DEF8: variants seen among roughly 807,000 people sequenced by gnomAD.
DEF8 encodes the protein differentially expressed in FDCP 8 homolog, also known as DEF-8.
A neutral mutation model predicts 59.1 loss-of-function variants in DEF8; 38 were observed. The ratio of observed to expected loss-of-function variants is 0.64; its 90% CI spans 0.50 to 0.84. The LOEUF (loss-of-function observed/expected upper bound fraction) is 0.84. Ranked by LOEUF, DEF8 falls within the 40% of genes least tolerant of loss-of-function variation. The pLI is 0.00. For synonymous variants in DEF8, 265 were observed against 250.1 expected (o/e 1.06, Z -0.56); for missense variants, 557 against 615.2 (o/e 0.91, Z 1.00).
At chr16:89,962,210 G>T (rs2034116361) in intron 9 of DEF8, 85 bp downstream of exon 9, 3 of 1,224,900 alleles carry the variant, frequency 2.4e-6, no homozygotes, top group East Asian at 2.5e-5. Context: ...TTCTCCTCTG[G>T]GCCACGGGAG....
rs1156961957 is a variant in DEF8 at position 89,966,177 on chromosome 16, T to C, written c.*214T>C. The C allele has an allele frequency of 5.9e-6, 3 of 510,262 alleles. No individual in the cohort carries two copies. Among genetic ancestry groups the C allele is most frequent in the African/African-American group, 5.8e-5 (3 of 51,368 alleles). The allele number at this position is 510,262 out of a possible 1,614,324, so 31.6% of individuals were successfully genotyped here. A position where few individuals can be genotyped will look rare whatever the true frequency, so the allele number is the denominator to read the frequency against. On this transcript the variant is annotated 3_prime_UTR_variant, in exon 13 of 13. Transcript: ENST00000563594. The stretch of plus-strand genomic sequence containing the variant: ...GCACCTGGCTGTCACCTGGGTGTGC[T>C]GCTGTGAGGGGTCCTTGCGTGGCCC...
intron 6 of DEF8, chr16:89,959,379 T>G: frequency 7.0e-7 from 1 of 1,422,720 alleles, no homozygotes. Context: ...GTGTGTCTAG[T>G]TTGTACAATG....
Position 89,967,470 on chromosome 16 carries a change from G to C in DEF8, c.*1507G>C, listed in dbSNP as rs190240262. ...AGGTTCTTATTGTCTGCTCTGCCTCGGTTTCCCCATCTGGAAAATGGGGGC... is the reference window on the plus strand; with the variant it reads ...AGGTTCTTATTGTCTGCTCTGCCTCCGTTTCCCCATCTGGAAAATGGGGGC... On this transcript the variant is annotated 3_prime_UTR_variant, in exon 13 of 13. Transcript: ENST00000563594. 2.5e-6 allele frequency: 1 copy of C among 398,614 alleles called. No individual in the cohort carries two copies. Among genetic ancestry groups the C allele is most frequent in the East Asian group, 3.6e-5 (1 of 28,080 alleles). 24.7% of individuals were successfully genotyped at this position (398,614 alleles called of 1,614,324 possible). A position where few individuals can be genotyped will look rare whatever the true frequency, so the allele number is the denominator to read the frequency against.
intron 9 of DEF8, among the ~76,000 whole-genome samples, chr16:89,963,139 G>A (rs1597524227): frequency 1.3e-5 from 2 of 152,370 alleles, no homozygotes; most frequent in African/African-American, 4.8e-5. Flanking sequence ...GGGGCCGGGT[G>A]AGGGCAGAGG....
chr16:89,960,565 A>T (rs1445950258), intron 6 of DEF8, among the ~76,000 whole-genome samples: 1 of 151,046 alleles, frequency 6.6e-6, no homozygotes, highest in Non-Finnish European at 1.5e-5. Context: ...CCTTCAGGAT[A>T]ACTCATGATA....
At chr16:89,961,298 G>A (rs2033994516) in intron 7 of DEF8, among the ~76,000 whole-genome samples, 2 of 152,182 alleles carry the variant, frequency 1.3e-5, no homozygotes, top group Admixed American at 6.5e-5. Context: ...CAGCCGTTCC[G>A]TGACTCACCC....
intron 2 of DEF8, chr16:89,949,723 A>G (rs1473180578): frequency 2.4e-5 from 31 of 1,317,754 alleles, no homozygotes; most frequent in Admixed American, 9.3e-5. Context: ...GCTTCCTTTC[A>G]TTGCTAAGTT....
rs2151214301 is a variant in DEF8 at position 89,963,456 on chromosome 16, G to A, written c.1002+13G>A. 3 of 1,611,048 alleles carry A rather than the reference G, an allele frequency of 1.9e-6. No individual in the cohort carries two copies. The highest frequency in any genetic ancestry group is 1.7e-6 in the Non-Finnish European group (2 of 1,178,266). ...TCTGCTGCTGCAGGTCAGACTGCCA[G>A]CAGGACTGGCCCCCGATGGGAAGCG... On this transcript the variant is annotated intron_variant, in intron 10 of 12. Coordinates refer to ENST00000563594, the MANE Select transcript of DEF8 (RefSeq NM_001242818.2).
In DEF8 at chr16:89,967,659, C is replaced by T. The variant is rs1336136977; in HGVS notation, c.*1696C>T. The T allele has an allele frequency of 1.3e-5, 5 of 395,864 alleles. No individual in the cohort carries two copies. The highest frequency in any genetic ancestry group is 2.2e-5 in the Non-Finnish European group (5 of 224,914). 24.5% of individuals were successfully genotyped at this position (395,864 alleles called of 1,614,324 possible). A position where few individuals can be genotyped will look rare whatever the true frequency, so the allele number is the denominator to read the frequency against. On this transcript the variant is annotated 3_prime_UTR_variant, in exon 13 of 13. Coordinates refer to ENST00000563594, the MANE Select transcript of DEF8 (RefSeq NM_001242818.2). ...AAAGGCCAAATGCTGTTTCCCAACA[C>T]CCCAAAGTCTGCACACGTCTCATGA...
chr16:89,954,126 T>G lies in DEF8; in HGVS notation c.-10-117T>G. ...GGCTGTGGTGTGAGGACTACCCACT[T>G]TAGGGAAGTGAAAGAGGCCAGCCTC... On this transcript the variant is annotated intron_variant, in intron 2 of 12. Transcript: ENST00000563594. The surrounding 1 kb of genome is among the most constrained non-coding windows in gnomAD (Gnocchi z 4.3). 2 of 1,145,924 alleles carry G rather than the reference T, an allele frequency of 1.7e-6. No homozygotes were observed. The highest frequency in any genetic ancestry group is 1.5e-5 in the African/African-American group (1 of 64,770). 71.0% of individuals were successfully genotyped at this position (1,145,924 alleles called of 1,614,324 possible). A position where few individuals can be genotyped will look rare whatever the true frequency, so the allele number is the denominator to read the frequency against.
rs757857247 is a variant in DEF8, at chr16:89,955,256, C to G, written c.212C>G (p.Ser71Cys). 1 of 1,613,500 alleles carries G rather than the reference C, an allele frequency of 6.2e-7. No homozygotes were observed. The highest frequency in any genetic ancestry group is 8.5e-7 in the Non-Finnish European group (1 of 1,179,778). ...CTCGGCCTGTCTGAGGACCACTTCT[C>G]CCGCCCTGTGGTAAGGTTTTAGATC... The part of the protein sequence containing the change: ...MDLGLSEDHF[S>C]RPVGLFLASD... The change falls in exon 4 of 13, where the codon TCC becomes TGC. Residue 71 changes from serine to cysteine, a missense_variant. Ser to Cys is a moderately radical substitution (Grantham distance 112). Transcript: ENST00000563594.
At chr16:89,964,792 C>T (rs1255479228) in intron 12 of DEF8, among the ~76,000 whole-genome samples, 1 of 152,220 alleles carries the variant, frequency 6.6e-6, no homozygotes, top group African/African-American at 2.4e-5. Flanking sequence ...AGGAGCGGCA[C>T]CTGGGGGATG....
chr16:89,951,909 G>A lies in DEF8; in HGVS notation c.-10-2334G>A, dbSNP rs1199698817. On this transcript the variant is annotated intron_variant, in intron 2 of 12. Coordinates refer to ENST00000563594, the MANE Select transcript of DEF8 (RefSeq NM_001242818.2). ...TTTTTTTTTTTTGATATGGAGTCTC[G>A]CTCTGTTGCCCAGGCTGGAGTGCAG... 9.5e-5 allele frequency among the ~76,000 whole-genome samples: 14 copies of A among 147,824 alleles called. 1 individual carries two copies. In the South Asian group the frequency reaches 2.1e-3, roughly 23 times the overall value.
At position 89,966,140 on chromosome 16, in the gene DEF8, C is replaced by T; in HGVS notation, c.*177C>T. The T allele has an allele frequency of 3.6e-6, 2 of 550,648 alleles. No individual in the cohort carries two copies. Among genetic ancestry groups the T allele is most frequent in the African/African-American group, 1.9e-5 (1 of 52,598 alleles). The allele number at this position is 550,648 out of a possible 1,614,324, so 34.1% of individuals were successfully genotyped here. Reference sequence around the variant, plus strand: ...GCTGTCTCCCAGGTGCTTGCTGGGACTCGGGGCGGCTGCACCTGGCTGTCA... The same window carrying T: ...GCTGTCTCCCAGGTGCTTGCTGGGATTCGGGGCGGCTGCACCTGGCTGTCA... On this transcript the variant is annotated 3_prime_UTR_variant, in exon 13 of 13. Transcript: ENST00000563594.
chr16:89,964,414 G>C, intron 11 of DEF8, 52 bp from the exon 12 acceptor site: 3 of 1,555,062 alleles, frequency 1.9e-6, no homozygotes, highest in South Asian at 1.2e-5. Flanking sequence ...AGAGTGCCCA[G>C]AGGAGCTGGC....
chr16:89,955,120 G>A lies in DEF8; in HGVS notation c.125-49G>A, dbSNP rs375104484. 3.4e-6 allele frequency: 5 copies of A among 1,455,826 alleles called. No individual in the cohort carries two copies. The East Asian group carries it at 9.1e-5, about 26-fold the overall frequency. 90.2% of individuals were successfully genotyped at this position (1,455,826 alleles called of 1,614,324 possible). A position where few individuals can be genotyped will look rare whatever the true frequency, so the allele number is the denominator to read the frequency against. On this transcript the variant is annotated intron_variant, in intron 3 of 12. Transcript: ENST00000563594. ...CTCAGCTCCTCCCTAGGGGATGGGA[G>A]GCAGGAGGTAGCAGCTGACGCTCCA...
At chr16:89,963,565 C>CCA (rs2034303383) in intron 10 of DEF8, 122 bp downstream of exon 10, 3 of 713,908 alleles carry the variant, frequency 4.2e-6, no homozygotes, top group Non-Finnish European at 6.9e-6. Flanking sequence ...GGTCGCCTCA[C>CCA]CACGGTCCCA....
In DEF8 at chr16:89,948,830, C is replaced by T. The variant is rs1466054563; in HGVS notation, c.-108+16C>T. On this transcript the variant is annotated intron_variant, in intron 1 of 12. Transcript: ENST00000563594. ...CGGCGGTCAGGTGAGCGGCGCGGGG[C>T]CGGCGGGGTCGGGGCCGGCGGGGAC... is the stretch of plus-strand genomic sequence containing the variant. The T allele has an allele frequency of 5.2e-5, 50 of 965,862 alleles. No individual in the cohort carries two copies. Among genetic ancestry groups the T allele is most frequent in the Non-Finnish European group, 5.9e-5 (49 of 823,812 alleles). The allele number at this position is 965,862 out of a possible 1,614,324, so 59.8% of individuals were successfully genotyped here. A position where few individuals can be genotyped will look rare whatever the true frequency, so the allele number is the denominator to read the frequency against.
intron 4 of DEF8, chr16:89,957,251 T>TG (rs759535250): frequency 2.9e-6 from 1 of 347,400 alleles, no homozygotes; most frequent in Non-Finnish European, 5.2e-6. Flanking sequence ...AGTTGTCTTT[T>TG]GAAAAGCAAC....
Sources: allele counts gnomAD v4.1 joint callset (sites outside exome capture counted in the v4.1 genomes callset), GRCh38; gene constraint gnomAD v4.1.1; non-coding constraint Gnocchi (gnomAD v3.1); transcripts MANE v1.5; gene names NCBI Gene and HGNC (gene_info 2026-07-23, HGNC 2026-07-21).